The following PTN variants were observed in gnomAD, a reference collection of about 807,000 sequenced individuals.
PTN encodes the protein heparin affin regulatory protein.
In PTN, 18 loss-of-function variants were observed where a neutral mutation model predicts 24.1. The ratio of observed to expected loss-of-function variants is 0.75; its 90% confidence interval spans 0.52 to 1.11. The LOEUF (loss-of-function observed/expected upper bound fraction) is 1.11, where lower values mean the gene tolerates loss of function less well. Ranked by LOEUF, PTN falls within the 50% of genes least tolerant of loss-of-function variation. PTN has a pLI of 0.00. For missense variants in PTN, 163 were observed against 198.8 expected, an observed-to-expected ratio of 0.82 and a Z score of 1.08; for synonymous variants, 78 against 68.6, an observed-to-expected ratio of 1.14 and a Z score of -0.67.
intron 1 of PTN, among the ~76,000 whole-genome samples, chr7:137,303,187 T>C (rs565711000): frequency 6.6e-6 from 1 of 152,024 alleles, no homozygotes; most frequent in Non-Finnish European, 1.5e-5. Context: ...CCTGTGACTG[T>C]AGCTTACAAA....
intron 1 of PTN, among the ~76,000 whole-genome samples, chr7:137,261,272 A>C (rs1040263769): frequency 6.6e-6 from 1 of 152,158 alleles, no homozygotes; most frequent in Non-Finnish European, 1.5e-5. Flanking sequence ...AGCTTCAATG[A>C]GTTTGTCTTT....
At chr7:137,258,748 A>G (rs1002072392) in intron 1 of PTN, among the ~76,000 whole-genome samples, 26 of 152,214 alleles carry the variant, frequency 1.7e-4, no homozygotes, top group Middle Eastern at 3.4e-3. Context: ...TGATATTTGC[A>G]TAGTTGATTG....
At chr7:137,266,660 GT>G (rs943324228) in intron 1 of PTN, among the ~76,000 whole-genome samples, 143 of 128,020 alleles carry the variant, frequency 1.1e-3, no homozygotes, top group East Asian at 2.3e-3. Flanking sequence ...TAACCATTCT[GT>G]TTTTTTTTTT....
Position 137,286,066 on chromosome 7 carries a change from G to A in PTN, c.-1-31092C>T, listed in dbSNP as rs1163095060. The stretch of plus-strand genomic sequence containing the variant: ...CAATCAAAATAAAAGAAAACATGGG[G>A]AAATTATTTTTTAAAACTCATATGC... On this transcript the variant is annotated intron_variant, in intron 1 of 4. Coordinates refer to ENST00000348225, the MANE Select transcript of PTN (RefSeq NM_002825.7). 2.0e-5 allele frequency among the ~76,000 whole-genome samples: 3 copies of A among 152,124 alleles called. No homozygotes were observed. The East Asian group carries it at 5.8e-4, about 29-fold the overall frequency.
intron 1 of PTN, among the ~76,000 whole-genome samples, chr7:137,278,115 G>A (rs2128875485): frequency 6.6e-6 from 1 of 151,070 alleles, no homozygotes; most frequent in Non-Finnish European, 1.5e-5. Context: ...AGACCATCCT[G>A]GCTAACACGG....
chr7:137,332,547 G>A (rs1810376493), intron 1 of PTN, among the ~76,000 whole-genome samples: 1 of 152,118 alleles, frequency 6.6e-6, no homozygotes, highest in Non-Finnish European at 1.5e-5. Flanking sequence ...TGGGAAGAAA[G>A]GCTTTATTTT....
chr7:137,272,030 A>G (rs1809283797), intron 1 of PTN, among the ~76,000 whole-genome samples: 2 of 152,228 alleles, frequency 1.3e-5, no homozygotes, highest in Admixed American at 6.5e-5. Flanking sequence ...TACAAAGTCA[A>G]TAAATGGACA....
chr7:137,331,535 G>A (rs1035093451), intron 1 of PTN, among the ~76,000 whole-genome samples: 2 of 152,130 alleles, frequency 1.3e-5, no homozygotes, highest in African/African-American at 2.4e-5. Context: ...CTTTAAACTC[G>A]AGCCAGTTGT....
At chr7:137,272,239 G>A (rs546962697) in intron 1 of PTN, among the ~76,000 whole-genome samples, 2 of 152,290 alleles carry the variant, frequency 1.3e-5, no homozygotes, top group East Asian at 3.9e-4. Flanking sequence ...CCTTCTTGGA[G>A]GCACCTTTCA....
intron 1 of PTN, among the ~76,000 whole-genome samples, chr7:137,291,947 T>A (rs1334174347): frequency 6.6e-6 from 1 of 152,190 alleles, no homozygotes; most frequent in East Asian, 1.9e-4. Context: ...TTTATTGGAA[T>A]TAGATCCTTT....
intron 1 of PTN, among the ~76,000 whole-genome samples, chr7:137,273,631 TAG>T (rs1663949890): frequency 6.6e-6 from 1 of 152,060 alleles, no homozygotes; most frequent in Admixed American, 6.6e-5. Flanking sequence ...GACAAATGTG[TAG>T]AGTCTAGAGC....
chr7:137,265,763 G>A (rs1307819175), intron 1 of PTN, among the ~76,000 whole-genome samples: 3 of 152,046 alleles, frequency 2.0e-5, no homozygotes, highest in Non-Finnish European at 4.4e-5. Context: ...AATTGCTTTT[G>A]TTTAACGTGC....
chr7:137,233,729 CA>C (rs752946865), intron 4 of PTN, among the ~76,000 whole-genome samples: 3 of 151,720 alleles, frequency 2.0e-5, no homozygotes, highest in Non-Finnish European at 4.4e-5. Context: ...AGAGCAGCCA[CA>C]AGGAGAATGA....
chr7:137,317,686 C>T (rs1810094986), intron 1 of PTN, among the ~76,000 whole-genome samples: 1 of 152,158 alleles, frequency 6.6e-6, no homozygotes, highest in Middle Eastern at 3.2e-3. Flanking sequence ...GAATCCTGTA[C>T]TTAAATGATA....
chr7:137,289,715 C>A (rs553683632), intron 1 of PTN, among the ~76,000 whole-genome samples: 1 of 152,122 alleles, frequency 6.6e-6, no homozygotes, highest in Non-Finnish European at 1.5e-5. Flanking sequence ...AGAGGTACCT[C>A]ATTCCTGCAA....
At position 137,251,337 on chromosome 7, in the gene PTN, A is replaced by G; in HGVS notation, c.344T>C (p.Leu115Pro). The G allele has an allele frequency of 6.2e-7, 1 of 1,614,102 alleles. No individual in the cohort carries two copies. Among genetic ancestry groups the G allele is most frequent in the Non-Finnish European group, 8.5e-7 (1 of 1,179,992 alleles). Residue 115 changes from leucine to proline, a missense_variant, in exon 4 of 5, where the codon CTG becomes CCG. Coordinates refer to ENST00000348225, the MANE Select transcript of PTN (RefSeq NM_002825.7). ...CTTCAGACTTCCAGTTCTGGTCTTC[A>G]GGGCTGTGTTCAGGTCACATTCTCC... ...AWGECDLNTA[L>P]KTRTGSLKRA... is the part of the protein sequence containing the mutation.
chr7:137,267,663 G>A (rs919112299), intron 1 of PTN, among the ~76,000 whole-genome samples: 13 of 152,006 alleles, frequency 8.6e-5, no homozygotes, highest in African/African-American at 2.9e-4. Context: ...GGCTTAGTTT[G>A]TACCTGACCC....
chr7:137,316,756 T>C (rs1810079078), intron 1 of PTN, among the ~76,000 whole-genome samples: 1 of 152,236 alleles, frequency 6.6e-6, no homozygotes, highest in African/African-American at 2.4e-5. Context: ...TGCCAGAGCA[T>C]TACCTTTCCA....
chr7:137,274,581 A>G (rs1809332833), intron 1 of PTN, among the ~76,000 whole-genome samples: 1 of 152,082 alleles, frequency 6.6e-6, no homozygotes, highest in Non-Finnish European at 1.5e-5. Context: ...TCTCATCAGA[A>G]CAGTATTTTT....
Sources: allele counts gnomAD v4.1 joint callset (sites outside exome capture counted in the v4.1 genomes callset), GRCh38; gene constraint gnomAD v4.1.1; transcripts MANE v1.5; gene names NCBI Gene and HGNC (gene_info 2026-07-23, HGNC 2026-07-21).